Variants in PGC observed in about 807,000 individuals in gnomAD.
The protein encoded by PGC is progastricsin.
PGC carries 31 observed loss-of-function variants against 45.9 expected under a neutral mutation model. The observed-to-expected ratio is 0.67, with a 90% CI of 0.51 to 0.91. The LOEUF (loss-of-function observed/expected upper bound fraction) is 0.91, where lower values mean the gene tolerates loss of function less well. Ranked by LOEUF, PGC falls within the 40% of genes least tolerant of loss-of-function variation. The pLI is 0.00. For missense variants in PGC, 477 were observed against 493.2 expected (o/e 0.97, Z 0.31); for synonymous variants, 192 against 201.8 (o/e 0.95, Z 0.41).
At chr6:41,740,755 C>T (rs560970985) in intron 5 of PGC, 145 bp from the exon 6 acceptor site, 9 of 1,451,566 alleles carry the variant, frequency 6.2e-6, no homozygotes, top group Non-Finnish European at 8.1e-6. Context: ...TCCCTTCAGA[C>T]TGGGGCTCCC....
At chr6:41,745,364 G>A (rs961619607) in intron 1 of PGC, among the ~76,000 whole-genome samples, 16 of 151,668 alleles carry the variant, frequency 1.1e-4, no homozygotes, top group South Asian at 2.1e-4. Context: ...TCAGCCTCCC[G>A]AGTAGCTGGA....
In PGC at chr6:41,736,964, A is replaced by G. The variant is rs1405186909; in HGVS notation, c.1055T>C (p.Leu352Pro). Residue 352 changes from leucine (L) to proline (P), a missense_variant, in exon 9 of 9, where the codon CTG becomes CCG. By Grantham distance (98) the Leu-to-Pro change is moderately conservative (BLOSUM62 -3). Coordinates refer to ENST00000373025, the MANE Select transcript of PGC (RefSeq NM_002630.4). ...CAGGGGCTGGCCGTTCTGGGAGGAC[A>G]GGTAGGTGGGCTCGACTCCCACGGT... Reference protein sequence around the residue: ...YCTVGVEPTYLSSQNGQPLWI... With the variant: ...YCTVGVEPTYPSSQNGQPLWI... 6.2e-7 allele frequency: 1 copy of G among 1,614,090 alleles called. No homozygotes were observed. Among genetic ancestry groups the G allele is most frequent in the African/African-American group, 1.3e-5 (1 of 75,046 alleles).
chr6:41,745,052 CCT>C (rs1771906965), intron 1 of PGC, among the ~76,000 whole-genome samples: 1 of 151,644 alleles, frequency 6.6e-6, no homozygotes, highest in African/African-American at 2.4e-5. Context: ...TGCCTCTTCC[CCT>C]CTTTCTTACA....
chr6:41,738,212 ATG>A (rs55753319), intron 7 of PGC, among the ~76,000 whole-genome samples: 68 of 14,496 alleles, frequency 4.7e-3, no homozygotes, highest in East Asian at 6.4e-3. Flanking sequence ...GCATATATAT[ATG>A]CATATATATA....
At position 41,738,253 on chromosome 6, in the gene PGC, TATATATATATGCACACAC is replaced by T. The variant is rs1771753416; in HGVS notation, c.916-443_916-426del. On this transcript the variant is annotated intron_variant, in intron 7 of 8. Transcript: ENST00000373025. ...ATATATATATGTATATATATATGCA[TATATATATATGCACACAC>T]ACACACACACACACATACACAGGCA... 1.5e-4 allele frequency among the ~76,000 whole-genome samples: 2 copies of T among 13,050 alleles called. 1 individual carries two copies. The highest frequency in any genetic ancestry group is 3.5e-4 in the African/African-American group (2 of 5,750). 8.6% of individuals were successfully genotyped at this position (13,050 alleles called of 152,430 possible).
intron 7 of PGC, among the ~76,000 whole-genome samples, chr6:41,739,502 T>C (rs1199832095): frequency 6.6e-6 from 1 of 151,390 alleles, no homozygotes; most frequent in Non-Finnish European, 1.5e-5. Context: ...CACTGCAGCC[T>C]CCACCTCCTG....
chr6:41,738,955 G>A (rs572266812), intron 7 of PGC, among the ~76,000 whole-genome samples: 11 of 151,692 alleles, frequency 7.3e-5, no homozygotes, highest in East Asian at 3.9e-4. Context: ...GAGAGACTCC[G>A]TCTCAAAAAA....
At chr6:41,740,907 C>G in intron 5 of PGC, 1 of 1,449,780 alleles carries the variant, frequency 6.9e-7, no homozygotes, top group Non-Finnish European at 9.0e-7. Flanking sequence ...TAGATTGGGG[C>G]TCCCTGGGGA....
chr6:41,738,266 A>ATATATATATATT, intron 7 of PGC, among the ~76,000 whole-genome samples: 1 of 6,782 alleles, frequency 1.5e-4, no homozygotes, highest in African/African-American at 3.3e-4. Flanking sequence ...ATATATATGC[A>ATATATATATATT]CACACACACA....
chr6:41,738,734 A>G (rs1242119566), intron 7 of PGC, among the ~76,000 whole-genome samples: 1 of 152,146 alleles, frequency 6.6e-6, no homozygotes, highest in East Asian at 1.9e-4. Context: ...AGGCAGGCAG[A>G]TTACTTGAGG....
chr6:41,742,213 T>C (rs1771837997), intron 5 of PGC, 77 bp downstream of exon 5: 1 of 1,333,370 alleles, frequency 7.5e-7, no homozygotes, highest in African/African-American at 1.4e-5. Context: ...CCCAAAGCAT[T>C]GAGCACTGAG....
In PGC at chr6:41,739,892, G is replaced by A. The variant is rs780894976; in HGVS notation, c.822C>T (p.Ile274=). ...SGWCSEGCQA[I]VDTGTSLLTV... ...TGAGCAGAGAGGTGCCTGTGTCCAC[G>A]ATGGCCTGGCAACCCTCAGAACACC... Residue 274 remains isoleucine, a synonymous_variant, in exon 7 of 9, where the codon ATC becomes ATT. Coordinates refer to ENST00000373025, the MANE Select transcript of PGC (RefSeq NM_002630.4). 50 of 1,614,054 alleles carry A rather than the reference G, an allele frequency of 3.1e-5. No individual in the cohort carries two copies. Among genetic ancestry groups the A allele is most frequent in the Non-Finnish European group, 3.9e-5 (46 of 1,180,006 alleles).
rs1358123991 is a variant in PGC, at chr6:41,742,480, T to G, written c.457A>C (p.Ile153Leu). The G allele has an allele frequency of 6.2e-7, 1 of 1,613,980 alleles. No individual in the cohort carries two copies. Residue 153 changes from isoleucine to leucine, a missense_variant, in exon 5 of 9, where the codon ATC becomes CTC. By Grantham distance (5) the Ile-to-Leu change is conservative (BLOSUM62 2). Transcript: ENST00000373025. ...FGYDTLTVQS[I>L]QVPNQEFGLS... ...CCGAACTCCTGGTTGGGGACCTGGA[T>G]GCTCTGGACCTAATGGAGACACAAA...
chr6:41,740,252 G>T lies in PGC; in HGVS notation c.767+239C>A, dbSNP rs151183775. ...GCCCATGATGGGGCTGGACTGCAGG[G>T]TCCCTAATGTTCGGGAGTCCAGGTC... On this transcript the variant is annotated intron_variant, in intron 6 of 8. Coordinates refer to ENST00000373025, the MANE Select transcript of PGC (RefSeq NM_002630.4). 4.0e-3 allele frequency among the ~76,000 whole-genome samples: 616 copies of T among 152,296 alleles called. 4 individuals are homozygous for T. Among genetic ancestry groups the T allele is most frequent in the African/African-American group, 0.012 (518 of 41,554 alleles).
intron 5 of PGC, 76 bp from the exon 6 acceptor site, chr6:41,740,686 A>T: frequency 6.6e-7 from 1 of 1,516,190 alleles, no homozygotes. Flanking sequence ...TCACCTCCAC[A>T]GGGAAACAGA....
intron 5 of PGC, chr6:41,741,770 T>C (rs944069010): frequency 6.6e-6 from 10 of 1,522,578 alleles, no homozygotes; most frequent in Non-Finnish European, 8.8e-6. Flanking sequence ...CTGCACATGC[T>C]TGTGTTGACT....
chr6:41,740,634 A>C (rs1364105806), intron 5 of PGC, 24 bp from the exon 6 acceptor site: 8 of 1,578,960 alleles, frequency 5.1e-6, no homozygotes, highest in Non-Finnish European at 6.9e-6. Flanking sequence ...AGGGAAGGGG[A>C]AGTCAGGGAG....
At chr6:41,740,710 T>A in intron 5 of PGC, 100 bp from the exon 6 acceptor site, 1 of 1,492,800 alleles carries the variant, frequency 6.7e-7, no homozygotes, top group Non-Finnish European at 8.9e-7. Context: ...CCTTCCCTGA[T>A]CCAGACGGGG....
At chr6:41,742,698 C>G (rs1771853884) in intron 4 of PGC, among the ~76,000 whole-genome samples, 3 of 152,348 alleles carry the variant, frequency 2.0e-5, no homozygotes, top group South Asian at 4.1e-4. Flanking sequence ...AATCTCAGCT[C>G]ACAGCAACCT....
Sources: gnomAD v4.1 joint callset for allele counts (sites outside exome capture counted in the v4.1 genomes callset) on GRCh38, gnomAD v4.1.1 for gene constraint, MANE v1.5 for transcripts, NCBI Gene and HGNC (gene_info 2026-07-23, HGNC 2026-07-21) for gene names.